Variants in RBFOX1 observed in about 807,000 individuals in gnomAD.
RBFOX1 encodes the protein RNA binding fox-1 homolog 1.
A neutral mutation model predicts 57.7 loss-of-function variants in RBFOX1; 8 were observed. The ratio of observed to expected loss-of-function variants is 0.14; its 90% CI spans 0.08 to 0.25. The LOEUF (loss-of-function observed/expected upper bound fraction) is 0.25, where lower values mean the gene tolerates loss of function less well. Among genes scored for constraint, RBFOX1 ranks in the 10% least tolerant of loss-of-function variants. The pLI, the probability that RBFOX1 is intolerant of heterozygous loss-of-function variation, is 1.00. For synonymous variants in RBFOX1, 326 were observed against 222.4 expected, an observed-to-expected ratio of 1.47 and a Z score of -4.15; for missense variants, 611 against 548.5, an observed-to-expected ratio of 1.11 and a Z score of -1.14.
Position 7,410,830 on chromosome 16 carries a change from C to CAT in RBFOX1, c.28-107317_28-107316insAT, listed in dbSNP as rs1397358392. Among the ~76,000 whole-genome samples, 477 of 150,444 alleles carry CAT rather than the reference C, an allele frequency of 3.2e-3. 4 individuals carry two copies. Among genetic ancestry groups the CAT allele is most frequent in the African/African-American group, 0.01 (409 of 40,742 alleles). On this transcript the variant is annotated intron_variant, in intron 4 of 15. Coordinates refer to ENST00000550418, the MANE Select transcript of RBFOX1 (RefSeq NM_018723.4). ...CAGGCTTGAGGATCATGAGTTTTCA[C>CAT]GTGTGTGTGTGTGTGTGTGTGTGTG...
chr16:7,272,983 C>G (rs2095357358), intron 4 of RBFOX1, among the ~76,000 whole-genome samples: 1 of 103,740 alleles, frequency 9.6e-6, no homozygotes, highest in Non-Finnish European at 1.9e-5. Context: ...CCTTCCGTCC[C>G]TCCCTCTCTC....
At chr16:7,005,960 C>T (rs116928580) in intron 3 of RBFOX1, among the ~76,000 whole-genome samples, 2 of 152,108 alleles carry the variant, frequency 1.3e-5, no homozygotes, top group African/African-American at 2.4e-5. Context: ...ATTCTTTAAC[C>T]CCTACTCAGG....
At chr16:5,406,003 C>T (rs548910038) in intron 1 of RBFOX1, among the ~76,000 whole-genome samples, 1 of 152,296 alleles carries the variant, frequency 6.6e-6, no homozygotes, top group Non-Finnish European at 1.5e-5. Context: ...CATCCTATTA[C>T]ATAAAATAAT....
At chr16:5,829,890 G>T in intron 3 of RBFOX1, among the ~76,000 whole-genome samples, 1 of 151,680 alleles carries the variant, frequency 6.6e-6, no homozygotes, top group South Asian at 2.1e-4. Flanking sequence ...AAGGCCTTTG[G>T]TTTTTTTTTC....
chr16:7,160,013 ATATCTAAGCAT>A (rs1340151511), intron 4 of RBFOX1, among the ~76,000 whole-genome samples: 1 of 152,152 alleles, frequency 6.6e-6, no homozygotes, highest in Non-Finnish European at 1.5e-5. Context: ...TTTTCTTGAC[ATATCTAAGCAT>A]TATCTGTGCA....
intron 1 of RBFOX1, among the ~76,000 whole-genome samples, chr16:6,056,028 T>G (rs1254080931): frequency 1.3e-5 from 2 of 152,328 alleles, no homozygotes; most frequent in South Asian, 2.1e-4. Flanking sequence ...TTCTTTGCAC[T>G]CAATGAGGGT....
intron 1 of RBFOX1, among the ~76,000 whole-genome samples, chr16:6,088,590 C>G (rs1444067617): frequency 6.6e-6 from 1 of 151,446 alleles, no homozygotes; most frequent in Non-Finnish European, 1.5e-5. Context: ...CAGTATGTTG[C>G]ATGCCAAAGA....
chr16:6,078,409 GA>G (rs1274972590), intron 1 of RBFOX1, among the ~76,000 whole-genome samples: 1 of 150,806 alleles, frequency 6.6e-6, no homozygotes, highest in South Asian at 2.1e-4. Flanking sequence ...GTTTTTGGGG[GA>G]TTTTTTTTTT....
Position 7,364,218 on chromosome 16 carries a change from C to A in RBFOX1, c.28-153929C>A, listed in dbSNP as rs528076665. On this transcript the variant is annotated intron_variant, in intron 4 of 15. Coordinates refer to ENST00000550418, the MANE Select transcript of RBFOX1 (RefSeq NM_018723.4). ...TGTTACATCAGTACCTTGGGATGTG[C>A]CGGGCTAGCGGCTTTCCCATCTTCT... 2.6e-5 allele frequency among the ~76,000 whole-genome samples: 4 copies of A among 152,252 alleles called. No individual in the cohort carries two copies. The South Asian group carries it at 8.3e-4, about 32-fold the overall frequency.
chr16:7,603,106 C>G (rs554148224), intron 9 of RBFOX1, among the ~76,000 whole-genome samples: 4 of 152,118 alleles, frequency 2.6e-5, no homozygotes, highest in Non-Finnish European at 5.9e-5. Flanking sequence ...TAGTAATAAA[C>G]GCCTACATCA....
intron 1 of RBFOX1, among the ~76,000 whole-genome samples, chr16:6,132,984 G>GAAAAA (rs146415031): frequency 6.8e-6 from 1 of 147,804 alleles, no homozygotes; most frequent in African/African-American, 2.5e-5. Flanking sequence ...AAAAAGAAAA[G>GAAAAA]AAAAAAAAGA....
chr16:7,528,554 T>G (rs2079226725), intron 5 of RBFOX1, among the ~76,000 whole-genome samples: 1 of 152,164 alleles, frequency 6.6e-6, no homozygotes, highest in African/African-American at 2.4e-5. Flanking sequence ...CTTAGTTCAC[T>G]GCAGCCTGAA....
Position 7,040,016 on chromosome 16 carries a change from T to TATC in RBFOX1, c.-15-12039_-15-12038insCAT, listed in dbSNP as rs559992748. On this transcript the variant is annotated intron_variant, in intron 3 of 15. Coordinates refer to ENST00000550418, the MANE Select transcript of RBFOX1 (RefSeq NM_018723.4). ...TGGGGAGTTATTTTATTATTATTAT[T>TATC]ATTATCATTATTATTATTATTTTGA... Among the ~76,000 whole-genome samples, 52 of 144,672 alleles carry TATC rather than the reference T, an allele frequency of 3.6e-4. 1 individual carries two copies. In the East Asian group the frequency reaches 9.5e-3, roughly 26 times the overall value. 94.9% of individuals were successfully genotyped at this position (144,672 alleles called of 152,430 possible). A position where few individuals can be genotyped will look rare whatever the true frequency, so the allele number is the denominator to read the frequency against.
At chr16:7,018,787 T>TC (rs377381488) in intron 3 of RBFOX1, among the ~76,000 whole-genome samples, 2 of 146,528 alleles carry the variant, frequency 1.4e-5, no homozygotes, top group East Asian at 4.0e-4. Context: ...CTTAAAGTAT[T>TC]AAAAAAAAAA....
At chr16:5,290,395 T>C (rs1427042878) in intron 1 of RBFOX1, among the ~76,000 whole-genome samples, 7 of 152,002 alleles carry the variant, frequency 4.6e-5, no homozygotes, top group Non-Finnish European at 1.0e-4. Flanking sequence ...GAGGAGGAAA[T>C]GGGAGGTACC....
At chr16:7,483,590 G>A (rs1375059311) in intron 4 of RBFOX1, among the ~76,000 whole-genome samples, 2 of 152,172 alleles carry the variant, frequency 1.3e-5, no homozygotes, top group African/African-American at 2.4e-5. Context: ...GGTTTGAATT[G>A]AGGATACAGA....
At chr16:6,742,812 G>A (rs186298062) in intron 3 of RBFOX1, among the ~76,000 whole-genome samples, 2 of 152,138 alleles carry the variant, frequency 1.3e-5, no homozygotes, top group Admixed American at 1.3e-4. Flanking sequence ...GGACATAGTT[G>A]CCAGTATGGT....
intron 1 of RBFOX1, among the ~76,000 whole-genome samples, chr16:5,305,994 C>G (rs541417043): frequency 1.3e-4 from 20 of 152,204 alleles, no homozygotes; most frequent in African/African-American, 4.6e-4. Context: ...TAGTTTGAGA[C>G]CAACATGGGC....
At chr16:7,408,299 T>A (rs2098380881) in intron 4 of RBFOX1, among the ~76,000 whole-genome samples, 1 of 152,182 alleles carries the variant, frequency 6.6e-6, no homozygotes, top group Non-Finnish European at 1.5e-5. Flanking sequence ...CTGCAGTGAC[T>A]TGTAGATGAC....
Sources: allele counts gnomAD v4.1 joint callset (sites outside exome capture counted in the v4.1 genomes callset), GRCh38; gene constraint gnomAD v4.1.1; transcripts MANE v1.5; gene names NCBI Gene and HGNC (gene_info 2026-07-23, HGNC 2026-07-21).